SLC30A7: variants seen among roughly 807,000 people sequenced by gnomAD.
The protein encoded by SLC30A7 is zinc transporter 7.
SLC30A7 carries 35 observed loss-of-function variants against 46.0 expected under a neutral mutation model. The ratio of observed to expected loss-of-function variants is 0.76; its 90% CI spans 0.58 to 1.01. SLC30A7 has a LOEUF of 1.01. SLC30A7 is among the 50% of genes least tolerant of loss of function. The pLI, the probability that SLC30A7 is intolerant of heterozygous loss-of-function variation, is 0.00. For missense variants in SLC30A7, 464 were observed against 451.1 expected, an observed-to-expected ratio of 1.03 and a Z score of -0.26; for synonymous variants, 147 against 157.8, an observed-to-expected ratio of 0.93 and a Z score of 0.51.
chr1:100,905,231 T>A (rs1651573979), intron 2 of SLC30A7, among the ~76,000 whole-genome samples: 1 of 152,148 alleles, frequency 6.6e-6, no homozygotes, highest in Non-Finnish European at 1.5e-5. Context: ...AAGGTGTTGC[T>A]CCATTGCATT....
chr1:100,912,273 C>G (rs747940566), intron 5 of SLC30A7, 35 bp downstream of exon 5: 77 of 1,599,828 alleles, frequency 4.8e-5, no homozygotes, highest in Non-Finnish European at 6.3e-5. Flanking sequence ...TCTTCATTTT[C>G]TACTAGGTTT....
chr1:100,973,355 G>A (rs1244381306), intron 10 of SLC30A7, among the ~76,000 whole-genome samples: 1 of 152,092 alleles, frequency 6.6e-6, no homozygotes, highest in African/African-American at 2.4e-5. Flanking sequence ...GTGGTACTGA[G>A]AAGAAAGGGC....
At chr1:100,995,546 T>C in the SLC30A7 span, 1 of 156,024 alleles carries the variant, frequency 6.4e-6, no homozygotes. Context: ...CTTTTCCACA[T>C]TTAAAAAAGT....
chr1:100,937,154 A>T (rs1654014849), intron 8 of SLC30A7, among the ~76,000 whole-genome samples: 1 of 152,194 alleles, frequency 6.6e-6, no homozygotes, highest in African/African-American at 2.4e-5. Flanking sequence ...GTTAAAAGTA[A>T]ATAAAAATCT....
At chr1:100,959,654 G>T (rs1469043096) in intron 8 of SLC30A7, among the ~76,000 whole-genome samples, 1 of 152,220 alleles carries the variant, frequency 6.6e-6, no homozygotes. Flanking sequence ...AGCTATGAGA[G>T]AGCAAGTGAA....
At chr1:100,898,055 G>A (rs558509640) in intron 2 of SLC30A7, among the ~76,000 whole-genome samples, 4 of 152,152 alleles carry the variant, frequency 2.6e-5, no homozygotes, top group African/African-American at 4.8e-5. Context: ...TTTGGGATAT[G>A]TGCTGATTGT....
intron 3 of SLC30A7, among the ~76,000 whole-genome samples, chr1:100,910,100 T>C (rs1440340111): frequency 6.6e-6 from 1 of 152,092 alleles, no homozygotes; most frequent in Non-Finnish European, 1.5e-5. Context: ...CAACATAACT[T>C]GATAGAGTAC....
intron 10 of SLC30A7, among the ~76,000 whole-genome samples, chr1:100,969,495 A>G (rs1656042991): frequency 6.6e-6 from 1 of 152,202 alleles, no homozygotes; most frequent in African/African-American, 2.4e-5. Context: ...GAAATGTGCA[A>G]GCAGCTGTGT....
intron 8 of SLC30A7, chr1:100,940,966 G>A: frequency 2.6e-6 from 1 of 388,840 alleles, no homozygotes; most frequent in East Asian, 8.4e-5. Flanking sequence ...TAGTTTCCCT[G>A]TCACTTCTCT....
chr1:100,990,348 C>G, the SLC30A7 span: 1 of 1,506,576 alleles, frequency 6.6e-7, no homozygotes, highest in Non-Finnish European at 9.2e-7. Flanking sequence ...GGGATACATC[C>G]AAACCATATC....
chr1:100,914,489 A>C (rs539446750), intron 6 of SLC30A7, among the ~76,000 whole-genome samples: 1 of 152,176 alleles, frequency 6.6e-6, no homozygotes, highest in Non-Finnish European at 1.5e-5. Context: ...AATTTTTCAC[A>C]TTTGTATTAT....
At chr1:100,974,413 A>G (rs1656339584) in intron 10 of SLC30A7, among the ~76,000 whole-genome samples, 1 of 152,230 alleles carries the variant, frequency 6.6e-6, no homozygotes. Context: ...AATAATTCCA[A>G]TAGATGGTTA....
intron 10 of SLC30A7, among the ~76,000 whole-genome samples, chr1:100,968,149 A>G (rs1347156586): frequency 6.6e-6 from 1 of 152,186 alleles, no homozygotes; most frequent in African/African-American, 2.4e-5. Context: ...TTATTGTACT[A>G]TTATTTTGAC....
chr1:100,940,647 T>A (rs1316499315), intron 8 of SLC30A7, among the ~76,000 whole-genome samples: 4 of 152,184 alleles, frequency 2.6e-5, no homozygotes, highest in African/African-American at 7.2e-5. Context: ...AAATACAAAT[T>A]TAATGTGATT....
rs539892522 is a variant in SLC30A7 at position 100,932,717 on chromosome 1, C to T, written c.842+10876C>T. Among the ~76,000 whole-genome samples the T allele has an allele frequency of 7.2e-5, 11 of 152,068 alleles. No individual in the cohort carries two copies. In the East Asian group the frequency reaches 1.5e-3, roughly 21 times the overall value. ...TAGAGTGTTCTAGAGAAGTGGAATA[C>T]AAAGATCTCACCAAGTAATATGAGA... On this transcript the variant is annotated intron_variant, in intron 8 of 10. Coordinates refer to ENST00000357650, the MANE Select transcript of SLC30A7 (RefSeq NM_133496.5).
chr1:100,913,493 A>G (rs1253871697), intron 5 of SLC30A7, among the ~76,000 whole-genome samples, 170 bp from the exon 6 acceptor site: 1 of 152,188 alleles, frequency 6.6e-6, no homozygotes, highest in Non-Finnish European at 1.5e-5. Context: ...CTGGTACTCC[A>G]TAGCAGAAAC....
chr1:100,939,124 T>C (rs544536393), intron 8 of SLC30A7, among the ~76,000 whole-genome samples: 2 of 152,270 alleles, frequency 1.3e-5, no homozygotes, highest in Admixed American at 6.5e-5. Flanking sequence ...ACTACCAAAA[T>C]AGGGAACTAG....
intron 8 of SLC30A7, among the ~76,000 whole-genome samples, chr1:100,938,795 G>T (rs930825538): frequency 6.6e-6 from 1 of 152,204 alleles, no homozygotes; most frequent in African/African-American, 2.4e-5. Flanking sequence ...TCTGTTAAGG[G>T]CTTTGCATCT....
the SLC30A7 span, among the ~76,000 whole-genome samples, chr1:100,994,095 A>C: frequency 1.3e-5 from 2 of 152,144 alleles, no homozygotes; most frequent in East Asian, 1.9e-4. Context: ...GTAATTTAAC[A>C]CCTACTCATA....
Sources: gnomAD v4.1 joint callset for allele counts (sites outside exome capture counted in the v4.1 genomes callset) on GRCh38, gnomAD v4.1.1 for gene constraint, MANE v1.5 for transcripts, NCBI Gene and HGNC (gene_info 2026-07-23, HGNC 2026-07-21) for gene names.